Variants in TTC33 observed in about 807,000 individuals in gnomAD.
TTC33 encodes tetratricopeptide repeat domain 33.
A neutral mutation model predicts 29.4 loss-of-function variants in TTC33; 24 were observed. The ratio of observed to expected loss-of-function variants is 0.82; its 90% CI spans 0.59 to 1.15. The LOEUF (loss-of-function observed/expected upper bound fraction) is 1.15. TTC33 is among the 50% of genes most tolerant of loss of function. The pLI is 0.00. For missense variants in TTC33, 286 were observed against 310.4 expected, an observed-to-expected ratio of 0.92 and a Z score of 0.59; for synonymous variants, 107 against 100.3, an observed-to-expected ratio of 1.07 and a Z score of -0.40.
chr5:40,717,100 G>T (rs963850292), intron 4 of TTC33, among the ~76,000 whole-genome samples: 1 of 151,874 alleles, frequency 6.6e-6, no homozygotes, highest in Non-Finnish European at 1.5e-5. Flanking sequence ...ATGATGGCGG[G>T]TGCCTGTAAT....
chr5:40,745,745 T>C (rs1742777803), intron 2 of TTC33, among the ~76,000 whole-genome samples: 1 of 151,232 alleles, frequency 6.6e-6, no homozygotes, highest in African/African-American at 2.4e-5. Context: ...ATTTATTTGT[T>C]TATTTATTTG....
At chr5:40,721,107 C>CCA (rs1226454348) in intron 4 of TTC33, among the ~76,000 whole-genome samples, 1 of 152,076 alleles carries the variant, frequency 6.6e-6, no homozygotes, top group Non-Finnish European at 1.5e-5. Flanking sequence ...AAGAATTGGT[C>CCA]CACACTGTGT....
At position 40,713,435 on chromosome 5, in the gene TTC33, G is replaced by A. The variant is rs1200031722; in HGVS notation, c.*2710C>T. 6.6e-6 allele frequency among the ~76,000 whole-genome samples: 1 copy of A among 152,050 alleles called. No homozygotes were observed. The highest frequency in any genetic ancestry group is 2.4e-5 in the African/African-American group (1 of 41,406). On this transcript the variant is annotated 3_prime_UTR_variant, in exon 5 of 5. Coordinates refer to ENST00000337702, the MANE Select transcript of TTC33 (RefSeq NM_012382.3). ...AAAAATCTTTATAGTTTTACCATAC[G>A]GCATCAATTCAAAAGATTGTCATAC...
intron 2 of TTC33, among the ~76,000 whole-genome samples, chr5:40,743,645 C>T (rs931511810): frequency 2.0e-5 from 3 of 151,994 alleles, no homozygotes; most frequent in African/African-American, 7.3e-5. Context: ...TGGTGGCACA[C>T]ACTTGTAATC....
intron 2 of TTC33, among the ~76,000 whole-genome samples, chr5:40,738,114 A>C (rs1046074015): frequency 6.6e-6 from 1 of 152,108 alleles, no homozygotes; most frequent in Admixed American, 6.6e-5. Flanking sequence ...GTATATATTT[A>C]ACTTTATGTG....
intron 3 of TTC33, among the ~76,000 whole-genome samples, chr5:40,729,690 A>T (rs1742378101): frequency 6.6e-6 from 1 of 151,962 alleles, no homozygotes; most frequent in African/African-American, 2.4e-5. Flanking sequence ...CTTTTTATTT[A>T]TTTTTTATTT....
At chr5:40,755,400 G>C (rs556395769) in intron 1 of TTC33, among the ~76,000 whole-genome samples, 16 of 152,314 alleles carry the variant, frequency 1.1e-4, no homozygotes, top group Non-Finnish European at 2.1e-4. Flanking sequence ...TCCCTTCATC[G>C]GTCAACAATA....
intron 2 of TTC33, among the ~76,000 whole-genome samples, chr5:40,732,415 G>A (rs548333339): frequency 6.6e-6 from 1 of 151,714 alleles, no homozygotes; most frequent in Admixed American, 6.6e-5. Flanking sequence ...AGGATTTAAA[G>A]CTAGCTCTTA....
intron 4 of TTC33, among the ~76,000 whole-genome samples, chr5:40,722,611 G>T (rs1742166699): frequency 6.6e-6 from 1 of 151,872 alleles, no homozygotes; most frequent in Non-Finnish European, 1.5e-5. Flanking sequence ...TCTGAGAAGT[G>T]AGGAGCCCCT....
intron 1 of TTC33, among the ~76,000 whole-genome samples, chr5:40,747,812 A>C (rs987632197): frequency 1.3e-5 from 2 of 152,188 alleles, no homozygotes; most frequent in African/African-American, 4.8e-5. Flanking sequence ...TGATTCAAAA[A>C]AGCCAATGAG....
rs1741901017 is a variant in TTC33 at position 40,711,627 on chromosome 5, CA to C, written c.*4517del. 6.6e-6 allele frequency among the ~76,000 whole-genome samples: 1 copy of C among 152,004 alleles called. No individual in the cohort carries two copies. ...ATTCATAATAGATCAAAACTTGAAA[CA>C]ACCTAAATGTCCATCAATAGGTGAA... On this transcript the variant is annotated 3_prime_UTR_variant, in exon 5 of 5. Coordinates refer to ENST00000337702, the MANE Select transcript of TTC33 (RefSeq NM_012382.3).
intron 1 of TTC33, among the ~76,000 whole-genome samples, chr5:40,754,569 G>A (rs975370578): frequency 1.3e-5 from 2 of 152,134 alleles, no homozygotes; most frequent in South Asian, 2.1e-4. Flanking sequence ...TAGTATCAAG[G>A]GCCCACTACT....
intron 4 of TTC33, among the ~76,000 whole-genome samples, chr5:40,722,918 G>A (rs530560437): frequency 8.0e-4 from 122 of 152,118 alleles, no homozygotes; most frequent in African/African-American, 2.8e-3. Flanking sequence ...CTGCCCAGCC[G>A]CCACCCCATC....
intron 4 of TTC33, among the ~76,000 whole-genome samples, chr5:40,717,362 C>G (rs1742025303): frequency 6.6e-6 from 1 of 151,980 alleles, no homozygotes; most frequent in African/African-American, 2.4e-5. Flanking sequence ...AAGGTATCAG[C>G]TGGGAATTGG....
chr5:40,754,203 G>A (rs951053160), intron 1 of TTC33, among the ~76,000 whole-genome samples: 1 of 152,200 alleles, frequency 6.6e-6, no homozygotes, highest in Non-Finnish European at 1.5e-5. Flanking sequence ...TTGAGACCTA[G>A]AGATCAGGGG....
intron 1 of TTC33, among the ~76,000 whole-genome samples, chr5:40,748,454 C>T (rs1177281836): frequency 6.6e-6 from 1 of 152,144 alleles, no homozygotes; most frequent in Non-Finnish European, 1.5e-5. Flanking sequence ...CCTCACCCTC[C>T]CAAATTGCTG....
rs574670976 is a variant in TTC33 at position 40,747,895 on chromosome 5, G to A, written c.-1-876C>T. On this transcript the variant is annotated intron_variant, in intron 1 of 4. Transcript: ENST00000337702. Reference sequence around the variant, plus strand: ...AGCTGTAGTGCAACGGCCCGATCTCGGATCACTGCAACCTCTGCCTCCCAG... The same window carrying A: ...AGCTGTAGTGCAACGGCCCGATCTCAGATCACTGCAACCTCTGCCTCCCAG... Among the ~76,000 whole-genome samples the A allele has an allele frequency of 9.2e-5, 14 of 152,134 alleles. 1 individual carries two copies. In the South Asian group the frequency reaches 2.1e-3, roughly 23 times the overall value.
chr5:40,738,444 AAATAC>A (rs140651944), intron 2 of TTC33, among the ~76,000 whole-genome samples: 6,238 of 83,312 alleles, frequency 0.075, 269 homozygotes, highest in East Asian at 0.1. Context: ...ATATAAAATA[AAATAC>A]AATACAATAC....
At chr5:40,748,079 G>A (rs550851381) in intron 1 of TTC33, among the ~76,000 whole-genome samples, 8 of 152,134 alleles carry the variant, frequency 5.3e-5, no homozygotes, top group East Asian at 1.9e-4. Context: ...CGCCCACCTC[G>A]GCCTCCCAAA....
Sources: allele counts gnomAD v4.1 joint callset (sites outside exome capture counted in the v4.1 genomes callset), GRCh38; gene constraint gnomAD v4.1.1; transcripts MANE v1.5; gene names NCBI Gene and HGNC (gene_info 2026-07-23, HGNC 2026-07-21).